CLN3: variants seen among roughly 807,000 people sequenced by gnomAD.
CLN3 encodes the protein CLN3 lysosomal/endosomal transmembrane protein, battenin, also known as battenin.
CLN3 carries 49 observed loss-of-function variants against 60.7 expected under a neutral mutation model. The observed-to-expected ratio is 0.81, with a 90% CI of 0.64 to 1.02. The LOEUF is 1.02. Among genes scored for constraint, CLN3 ranks in the 50% least tolerant of loss-of-function variants. The pLI, the probability that CLN3 is intolerant of heterozygous loss-of-function variation, is 0.00. For missense variants in CLN3, 516 were observed against 557.4 expected (o/e 0.93, Z 0.75); for synonymous variants, 256 against 245.8 (o/e 1.04, Z -0.39).
Position 28,482,471 on chromosome 16 carries a change from A to C in CLN3, c.906+6T>G, listed in dbSNP as rs1422519311. Reference sequence around the variant, plus strand: ...CTCCACACCCCTCCTAGCACCCCTCACTTACAAGTCCCTGGTTAATGAAAT... The same window carrying C: ...CTCCACACCCCTCCTAGCACCCCTCCCTTACAAGTCCCTGGTTAATGAAAT... On this transcript the variant is annotated splice_donor_region_variant and intron_variant, in intron 12 of 15. Coordinates refer to ENST00000636147, the MANE Select transcript of CLN3 (RefSeq NM_001042432.2). 6.2e-7 allele frequency: 1 copy of C among 1,614,168 alleles called. No individual in the cohort carries two copies.
At chr16:28,473,958 GA>G (rs891458447), downstream of CLN3, among the ~76,000 whole-genome samples, 322 of 137,494 alleles carry the variant, frequency 2.3e-3, 2 homozygotes, top group African/African-American at 3.8e-3. Context: ...ACAACCAAAG[GA>G]AAAAAAAAAA....
rs1172717212 is a variant in CLN3 at position 28,477,825 on chromosome 16, C to T, written c.1109G>A (p.Ser370Asn). The T allele has an allele frequency of 3.7e-6, 6 of 1,614,188 alleles. No individual in the cohort carries two copies. The highest frequency in any genetic ancestry group is 5.1e-6 in the Non-Finnish European group (6 of 1,180,044). ...LADVWFGFLP[S>N]IYLVFLIILY... ...AATGATCAGGAAGACGAGGTAGATG[C>T]TTGGCAGAAAGCCGAACCACACGTC... The change falls in exon 15 of 16, where the codon AGC becomes AAC. Residue 370 changes from serine (S) to asparagine (N), a missense_variant. Ser to Asn is a conservative substitution (Grantham distance 46). Transcript: ENST00000636147.
intron 14 of CLN3, 114 bp downstream of exon 14, chr16:28,481,991 A>C: frequency 1.3e-6 from 1 of 794,582 alleles, no homozygotes; most frequent in Non-Finnish European, 2.0e-6. Flanking sequence ...TGTCTCAAAA[A>C]AAAAAAAAAA....
chr16:28,468,479 C>A, the CLN3 span, among the ~76,000 whole-genome samples: 1 of 150,136 alleles, frequency 6.7e-6, no homozygotes, highest in Non-Finnish European at 1.5e-5. Flanking sequence ...GAGATTACTT[C>A]ATTCACAAAT....
chr16:28,492,018 A>G lies in CLN3; in HGVS notation c.-77+2T>C. On this transcript the variant is annotated splice_donor_variant, in intron 1 of 15. Transcript: ENST00000636147. LOFTEE classifies it low-confidence loss of function (5UTR_SPLICE). ...CTACAGCAGGGACCCTGAGGCCTGTACCTTTAAGAGCAGCAGAATGTTCTG... is the reference window on the plus strand; with the variant it reads ...CTACAGCAGGGACCCTGAGGCCTGTGCCTTTAAGAGCAGCAGAATGTTCTG... 1 of 595,874 alleles carries G rather than the reference A, an allele frequency of 1.7e-6. No homozygotes were observed. Among genetic ancestry groups the G allele is most frequent in the Non-Finnish European group, 3.0e-6 (1 of 334,436 alleles). 36.9% of individuals were successfully genotyped at this position (595,874 alleles called of 1,614,324 possible).
rs368542813 is a variant in CLN3 at position 28,491,849 on chromosome 16, C to A, written c.-76-14G>T. 1 of 1,498,880 alleles carries A rather than the reference C, an allele frequency of 6.7e-7. No individual in the cohort carries two copies. Among genetic ancestry groups the A allele is most frequent in the South Asian group, 1.2e-5 (1 of 86,564 alleles). The allele number at this position is 1,498,880 out of a possible 1,614,324, so 92.8% of individuals were successfully genotyped here. On this transcript the variant is annotated splice_polypyrimidine_tract_variant and intron_variant, in intron 1 of 15. Coordinates refer to ENST00000636147, the MANE Select transcript of CLN3 (RefSeq NM_001042432.2). Reference sequence around the variant, plus strand: ...AGGGATGAGGGTCTGCGACAGGTGACAAGGATCAACGCCCGATTGCCGGTC... The same window carrying A: ...AGGGATGAGGGTCTGCGACAGGTGAAAAGGATCAACGCCCGATTGCCGGTC...
intron 5 of CLN3, 106 bp from the exon 6 acceptor site, chr16:28,487,847 A>C: frequency 1.2e-6 from 1 of 862,550 alleles, no homozygotes; most frequent in Non-Finnish European, 1.9e-6. Context: ...TGCTACAAAC[A>C]CAGGCTCTGG....
At chr16:28,470,802 GAGA>G (rs1437892661), downstream of CLN3, among the ~76,000 whole-genome samples, 3 of 146,412 alleles carry the variant, frequency 2.0e-5, no homozygotes, top group African/African-American at 4.9e-5. Flanking sequence ...ACAGGTCACG[GAGA>G]AGATCAGGGA....
At chr16:28,478,725 G>A (rs977305490) in intron 14 of CLN3, among the ~76,000 whole-genome samples, 1 of 151,138 alleles carries the variant, frequency 6.6e-6, no homozygotes, top group Admixed American at 6.6e-5. Context: ...GGTGCTGGTT[G>A]TTCTGCATGG....
chr16:28,483,283 G>A (rs2857420), intron 10 of CLN3, among the ~76,000 whole-genome samples: 127 of 150,844 alleles, frequency 8.4e-4, no homozygotes, highest in Non-Finnish European at 1.4e-3. Context: ...GTGCAGTGGT[G>A]CAATCTCAGC....
At chr16:28,469,528 G>A (rs1165730648), downstream of CLN3, among the ~76,000 whole-genome samples, 266 of 145,810 alleles carry the variant, frequency 1.8e-3, no homozygotes, top group Middle Eastern at 6.9e-3. Flanking sequence ...AACCTGGGAA[G>A]CAGAGGTTGC....
At chr16:28,478,231 G>C (rs1166004411) in intron 14 of CLN3, among the ~76,000 whole-genome samples, 1 of 151,560 alleles carries the variant, frequency 6.6e-6, no homozygotes, top group African/African-American at 2.4e-5. Context: ...CTTGAACCTG[G>C]GAGGCAGAGG....
At chr16:28,471,920 C>T (rs1023625201), downstream of CLN3, among the ~76,000 whole-genome samples, 1 of 152,150 alleles carries the variant, frequency 6.6e-6, no homozygotes, top group Admixed American at 6.5e-5. Context: ...GTCCCAGATA[C>T]TTGGTAGGCT....
At chr16:28,480,468 T>G (rs2046070750) in intron 14 of CLN3, among the ~76,000 whole-genome samples, 1 of 151,636 alleles carries the variant, frequency 6.6e-6, no homozygotes, top group Non-Finnish European at 1.5e-5. Flanking sequence ...TACTGCAATC[T>G]CGGCTCACTG....
chr16:28,472,185 G>A (rs1404224853), downstream of CLN3, among the ~76,000 whole-genome samples: 1 of 152,164 alleles, frequency 6.6e-6, no homozygotes, highest in Non-Finnish European at 1.5e-5. Context: ...GGTCAAGGTG[G>A]GCAGATCATT....
intron 4 of CLN3, 126 bp downstream of exon 4, chr16:28,489,164 A>G (rs2046270952): frequency 1.3e-6 from 1 of 768,616 alleles, no homozygotes; most frequent in African/African-American, 1.7e-5. Flanking sequence ...AGCCTCCCAA[A>G]CTGCTGGGAT....
At chr16:28,477,134 A>AAAAC (rs533413452), downstream of CLN3, 1,347 of 324,114 alleles carry the variant, frequency 4.2e-3, 9 homozygotes, top group South Asian at 0.012. Context: ...AGACTCTGTC[A>AAAAC]AAACAAACAA....
downstream of CLN3, chr16:28,477,095 C>A: frequency 3.5e-6 from 1 of 285,338 alleles, no homozygotes; most frequent in Non-Finnish European, 6.8e-6. Context: ...AAGATCACGC[C>A]ATTGCACTCC....
intron 14 of CLN3, among the ~76,000 whole-genome samples, chr16:28,479,025 C>T (rs1384306424): frequency 6.6e-6 from 1 of 152,126 alleles, no homozygotes; most frequent in African/African-American, 2.4e-5. Flanking sequence ...CAGGAGCCAC[C>T]GCACCTGGCC....
Sources: allele counts gnomAD v4.1 joint callset (sites outside exome capture counted in the v4.1 genomes callset), GRCh38; gene constraint gnomAD v4.1.1; transcripts MANE v1.5; gene names NCBI Gene and HGNC (gene_info 2026-07-23, HGNC 2026-07-21).